Variants in TFEB observed in about 807,000 individuals in gnomAD.
TFEB encodes the protein T-cell transcription factor EB.
TFEB carries 12 observed loss-of-function variants against 48.0 expected under a neutral mutation model. The observed-to-expected ratio is 0.25, with a 90% confidence interval of 0.16 to 0.40. TFEB has a LOEUF of 0.40. Among genes scored for constraint, TFEB ranks in the 10% least tolerant of loss-of-function variants. The pLI is 1.00. For synonymous variants in TFEB, 244 were observed against 261.4 expected, an observed-to-expected ratio of 0.93 and a Z score of 0.64; for missense variants, 509 against 640.3, an observed-to-expected ratio of 0.79 and a Z score of 2.21.
intron 1 of TFEB, among the ~76,000 whole-genome samples, chr6:41,699,323 T>A (rs1182615360): frequency 6.6e-6 from 1 of 152,218 alleles, no homozygotes; most frequent in Non-Finnish European, 1.5e-5. Context: ...CCTGCATAAG[T>A]TCCTTTGGGG....
At position 41,723,739 on chromosome 6, in the gene TFEB, A is replaced by C; in HGVS notation, c.-23+11611T>G. The C allele has an allele frequency of 2.6e-6, 1 of 378,212 alleles. No individual in the cohort carries two copies. 23.4% of individuals were successfully genotyped at this position (378,212 alleles called of 1,614,324 possible). Reference sequence around the variant, plus strand: ...AGCCTACCCAACACAGACTGCTTCAATCTCACCCGCCCGGCTCCAGGCGCC... The same window carrying C: ...AGCCTACCCAACACAGACTGCTTCACTCTCACCCGCCCGGCTCCAGGCGCC... On this transcript the variant is annotated intron_variant, in intron 1 of 8. Coordinates refer to ENST00000373033, the MANE Select transcript of TFEB (RefSeq NM_001271944.2). This position sits in a 1 kb window ranked among gnomAD's most constrained non-coding sequence, Gnocchi z 6.0.
chr6:41,684,581 G>T lies in TFEB; in HGVS notation c.*18C>A. Reference sequence around the variant, plus strand: ...CCCCCAGGCCGGCCCCTGTTCCCTGGCACAGGGGCAGCCAGGGTCACAGCA... The same window carrying T: ...CCCCCAGGCCGGCCCCTGTTCCCTGTCACAGGGGCAGCCAGGGTCACAGCA... On this transcript the variant is annotated 3_prime_UTR_variant, in exon 9 of 9. Transcript: ENST00000373033. The T allele has an allele frequency of 6.5e-7, 1 of 1,534,750 alleles. No individual in the cohort carries two copies.
At position 41,730,129 on chromosome 6, in the gene TFEB, A is replaced by AG. The variant is rs1771390708; in HGVS notation, c.-23+5220_-23+5221insC. Among the ~76,000 whole-genome samples, 1 of 151,982 alleles carries AG rather than the reference A, an allele frequency of 6.6e-6. No individual in the cohort carries two copies. The highest frequency in any genetic ancestry group is 2.4e-5 in the African/African-American group (1 of 41,344). On this transcript the variant is annotated intron_variant, in intron 1 of 8. Transcript: ENST00000373033. The surrounding 1 kb of genome is among the most constrained non-coding windows in gnomAD (Gnocchi z 4.1). ...GGCATTGGAATCATCCCAGAAAAAA[A>AG]AAAAATTAAATAAAGATGCCTAGGC...
At chr6:41,689,680 G>C in intron 4 of TFEB, 51 bp downstream of exon 4, 2 of 1,440,586 alleles carry the variant, frequency 1.4e-6, no homozygotes, top group Non-Finnish European at 2.0e-6. Context: ...CACAGTGGGT[G>C]CCCCCCTCCC....
chr6:41,735,552 C>G lies in TFEB; in HGVS notation c.-225G>C, dbSNP rs1331726532. The G allele has an allele frequency of 2.0e-6, 2 of 984,656 alleles. No homozygotes were observed. Among genetic ancestry groups the G allele is most frequent in the Non-Finnish European group, 2.4e-6 (2 of 829,782 alleles). 61.0% of individuals were successfully genotyped at this position (984,656 alleles called of 1,614,324 possible). ...GCTCCCTGCGTCCCGCCCGGGCCGC[C>G]GCCTCCGCTGTCACCGAGCCCCGCG... On this transcript the variant is annotated 5_prime_UTR_variant, in exon 1 of 9. Transcript: ENST00000373033.
chr6:41,704,622 A>G (rs960867457), intron 1 of TFEB, among the ~76,000 whole-genome samples: 1 of 152,246 alleles, frequency 6.6e-6, no homozygotes, highest in Non-Finnish European at 1.5e-5. Flanking sequence ...CTGAGTCAGA[A>G]TCTGCATTTT....
intron 6 of TFEB, 151 bp downstream of exon 6, chr6:41,687,602 C>A: frequency 1.1e-6 from 1 of 924,354 alleles, no homozygotes; most frequent in African/African-American, 1.6e-5. Context: ...CACCACTGAG[C>A]GACAGCAATG....
chr6:41,693,831 C>A (rs1315482847), intron 1 of TFEB, among the ~76,000 whole-genome samples: 2 of 152,168 alleles, frequency 1.3e-5, no homozygotes, highest in East Asian at 1.9e-4. Context: ...TCCACCCATG[C>A]CTTTGCCCAC....
rs1165355047 is a variant in TFEB, at chr6:41,684,606, A to T, written c.1424T>A (p.Val475Glu). Residue 475 changes from valine (V) to glutamate (E), a missense_variant, in exon 9 of 9, where the codon GTG (valine) becomes GAG (glutamate). Val to Glu is a moderately radical substitution (Grantham distance 121). This residue lies in a region of TFEB where 168 missense variants were observed against 161.0 expected (regional missense o/e 1.04). Transcript: ENST00000373033. ...GCACAGGGGCAGCCAGGGTCACAGC[A>T]CATCGCCCTCCTCCATGCTGAAGCT... The part of the protein sequence containing the change: ...RSSFSMEEGD[V>E]L 6.3e-7 allele frequency: 1 copy of T among 1,580,974 alleles called. No homozygotes were observed. Among genetic ancestry groups the T allele is most frequent in the Admixed American group, 1.8e-5 (1 of 56,530 alleles).
intron 1 of TFEB, among the ~76,000 whole-genome samples, chr6:41,712,443 T>A (rs572267755): frequency 6.6e-6 from 1 of 152,316 alleles, no homozygotes; most frequent in South Asian, 2.1e-4. Context: ...CCGGCTCTGC[T>A]TCTCACTAGC....
intron 1 of TFEB, among the ~76,000 whole-genome samples, chr6:41,728,951 C>T (rs1030745452): frequency 1.3e-5 from 2 of 152,082 alleles, no homozygotes; most frequent in Non-Finnish European, 2.9e-5. Context: ...TCATCCATTC[C>T]ACAAAGATTT....
chr6:41,687,985 G>A lies in TFEB; in HGVS notation c.593C>T (p.Pro198Leu), dbSNP rs367958829. 10 of 1,613,778 alleles carry A rather than the reference G, an allele frequency of 6.2e-6. No homozygotes were observed. The highest frequency in any genetic ancestry group is 1.3e-5 in the African/African-American group (1 of 74,910). ...GCCCACCAGGGAGGCTGTGACCTGG[G>A]GGTCGCTGCTGTACACATTCAGGTG... is the stretch of plus-strand genomic sequence containing the variant. ...SSHLNVYSSDPQVTASLVGVT... is the reference protein window; with the variant it reads ...SSHLNVYSSDLQVTASLVGVT... Residue 198 changes from proline (P) to leucine (L), a missense_variant, in exon 5 of 9, where the codon CCC (proline) becomes CTC (leucine). Coordinates refer to ENST00000373033, the MANE Select transcript of TFEB (RefSeq NM_001271944.2).
intron 7 of TFEB, chr6:41,686,508 CTTT>C (rs34883692): frequency 9.4e-3 from 1,414 of 150,174 alleles, no homozygotes; most frequent in East Asian, 0.018. Context: ...GCCTACCTTT[CTTT>C]TTTTTTTTTT....
At chr6:41,701,540 G>A (rs1025506696) in intron 1 of TFEB, among the ~76,000 whole-genome samples, 2 of 152,176 alleles carry the variant, frequency 1.3e-5, no homozygotes, top group African/African-American at 2.4e-5. Context: ...CAAACGCTCC[G>A]AGTCCCTCCC....
chr6:41,697,241 C>G (rs11752167), intron 1 of TFEB, among the ~76,000 whole-genome samples: 1 of 151,568 alleles, frequency 6.6e-6, no homozygotes, highest in Non-Finnish European at 1.5e-5. Context: ...AACCCTGTCT[C>G]TACTAAAAAT....
At chr6:41,715,006 A>G (rs1423800007) in intron 1 of TFEB, among the ~76,000 whole-genome samples, 1 of 152,146 alleles carries the variant, frequency 6.6e-6, no homozygotes, top group African/African-American at 2.4e-5. Flanking sequence ...CTTGATATGT[A>G]AAACATGAGG....
rs547378592 is a variant in TFEB, at chr6:41,723,933, C to T, written c.-23+11417G>A. ...CCTAACCCTAACCCCAGCCCCGCTTCCTAGAGACATGTGTCCTTCTAGCCA... is the reference window on the plus strand; with the variant it reads ...CCTAACCCTAACCCCAGCCCCGCTTTCTAGAGACATGTGTCCTTCTAGCCA... On this transcript the variant is annotated intron_variant, in intron 1 of 8. Coordinates refer to ENST00000373033, the MANE Select transcript of TFEB (RefSeq NM_001271944.2). This position sits in a 1 kb window ranked among gnomAD's most constrained non-coding sequence, Gnocchi z 6.0. The T allele has an allele frequency of 1.0e-4, 52 of 513,192 alleles. No individual in the cohort carries two copies. The highest frequency in any genetic ancestry group is 8.7e-4 in the African/African-American group (45 of 51,796). The allele number at this position is 513,192 out of a possible 1,614,324, so 31.8% of individuals were successfully genotyped here.
intron 1 of TFEB, among the ~76,000 whole-genome samples, chr6:41,698,599 A>T (rs952860837): frequency 2.0e-5 from 3 of 152,188 alleles, no homozygotes; most frequent in Non-Finnish European, 4.4e-5. Context: ...GCCATTGATG[A>T]CGCTCTGCAC....
intron 1 of TFEB, among the ~76,000 whole-genome samples, chr6:41,694,486 C>T (rs1011330278): frequency 8.6e-5 from 13 of 152,034 alleles, no homozygotes; most frequent in Admixed American, 3.9e-4. Context: ...GCCCTGGTCG[C>T]CAGCCTGGGT....
Sources: allele counts gnomAD v4.1 joint callset (sites outside exome capture counted in the v4.1 genomes callset), GRCh38; gene constraint gnomAD v4.1.1; regional missense constraint gnomAD v4.1.1; non-coding constraint Gnocchi (gnomAD v3.1); transcripts MANE v1.5; gene names NCBI Gene and HGNC (gene_info 2026-07-23, HGNC 2026-07-21).